The following PPP1R13B variants were observed in gnomAD, a reference collection of about 807,000 sequenced individuals.
The protein encoded by PPP1R13B is apoptosis-stimulating of p53 protein 1.
Under a neutral mutation model 119.8 loss-of-function variants are expected in PPP1R13B, and 44 were observed. That is an observed-to-expected ratio of 0.37 (90% CI 0.29 to 0.47). The LOEUF is 0.47. PPP1R13B is among the 20% of genes least tolerant of loss of function. PPP1R13B has a pLI of 0.99. For synonymous variants in PPP1R13B, 542 were observed against 561.5 expected, an observed-to-expected ratio of 0.97 and a Z score of 0.49; for missense variants, 1,227 against 1,413.5, an observed-to-expected ratio of 0.87 and a Z score of 2.12.
intron 4 of PPP1R13B, among the ~76,000 whole-genome samples, chr14:103,759,836 C>T (rs910800025): frequency 6.6e-6 from 1 of 152,138 alleles, no homozygotes; most frequent in Admixed American, 6.5e-5. Context: ...AAATATTTTA[C>T]TTACCTAAAC....
At chr14:103,807,661 A>AT (rs2086049977) in intron 1 of PPP1R13B, among the ~76,000 whole-genome samples, 1 of 151,898 alleles carries the variant, frequency 6.6e-6, no homozygotes, top group Non-Finnish European at 1.5e-5. Context: ...CGCCCGGCTA[A>AT]TTTTTTGTAT....
intron 1 of PPP1R13B, 73 bp from the exon 2 acceptor site, chr14:103,797,591 AT>A (rs1171469794): frequency 8.6e-7 from 1 of 1,157,934 alleles, no homozygotes; most frequent in Non-Finnish European, 1.2e-6. Context: ...ATTTAAAGTG[AT>A]CCCTCTACCC....
intron 15 of PPP1R13B, 125 bp from the exon 16 acceptor site, chr14:103,736,327 G>T: frequency 1.0e-6 from 1 of 997,972 alleles, no homozygotes; most frequent in Non-Finnish European, 1.5e-6. Flanking sequence ...ACAGAGGCCA[G>T]CGAGGGAGAT....
chr14:103,803,637 C>T (rs763338549), intron 1 of PPP1R13B, among the ~76,000 whole-genome samples: 15 of 151,716 alleles, frequency 9.9e-5, no homozygotes, highest in African/African-American at 2.7e-4. Context: ...AGCGAGACTC[C>T]GTCTCAAAAA....
chr14:103,831,674 G>A (rs775164554), intron 1 of PPP1R13B, among the ~76,000 whole-genome samples: 3 of 149,886 alleles, frequency 2.0e-5, no homozygotes, highest in Non-Finnish European at 4.4e-5. Flanking sequence ...AGTGGCTCAC[G>A]CCTATAATCC....
chr14:103,784,399 A>G (rs944803274), intron 3 of PPP1R13B, among the ~76,000 whole-genome samples: 2 of 151,830 alleles, frequency 1.3e-5, no homozygotes, highest in African/African-American at 4.8e-5. Flanking sequence ...CCTGGCCAAC[A>G]TGGTGAAACC....
rs2084288034 is a variant in PPP1R13B at position 103,742,645 on chromosome 14, C to A, written c.1320+9G>T. 6.2e-7 allele frequency: 1 copy of A among 1,612,788 alleles called. No individual in the cohort carries two copies. Among genetic ancestry groups the A allele is most frequent in the African/African-American group, 1.3e-5 (1 of 75,020 alleles). On this transcript the variant is annotated intron_variant, in intron 10 of 16. Transcript: ENST00000202556. The surrounding 1 kb of genome is among the most constrained non-coding windows in gnomAD (Gnocchi z 4.9). ...CCGCTTGTGTTCTGTGGTAAAGACACAGGCCTACCGGCTTCTCCGTGGGTC... is the reference window on the plus strand; with the variant it reads ...CCGCTTGTGTTCTGTGGTAAAGACAAAGGCCTACCGGCTTCTCCGTGGGTC...
intron 4 of PPP1R13B, among the ~76,000 whole-genome samples, chr14:103,775,490 G>A (rs1567113660): frequency 6.6e-6 from 1 of 152,104 alleles, no homozygotes; most frequent in East Asian, 1.9e-4. Context: ...GGCCAGATTG[G>A]TCTAGAACTC....
rs999206369 is a variant in PPP1R13B at position 103,739,323 on chromosome 14, G to A, written c.2593-300C>T. On this transcript the variant is annotated intron_variant, in intron 12 of 16. Transcript: ENST00000202556. ...AAGACTCTGTGGGAGGGAGGGTGGC[G>A]TGTGACTGCCAAGTAGCTGATGGGA... 51 of 381,684 alleles carry A rather than the reference G, an allele frequency of 1.3e-4. No individual in the cohort carries two copies. The East Asian group carries it at 1.6e-3, about 12-fold the overall frequency. The allele number at this position is 381,684 out of a possible 1,614,324, so 23.6% of individuals were successfully genotyped here.
intron 1 of PPP1R13B, among the ~76,000 whole-genome samples, chr14:103,799,345 A>AT (rs1446563746): frequency 1.3e-5 from 2 of 151,768 alleles, no homozygotes; most frequent in African/African-American, 4.8e-5. Flanking sequence ...CGCCCGGCTA[A>AT]TTTTTTGTAT....
At chr14:103,790,820 C>T (rs115645835) in intron 2 of PPP1R13B, among the ~76,000 whole-genome samples, 1,905 of 152,328 alleles carry the variant, frequency 0.013, 38 homozygotes, top group African/African-American at 0.043. Flanking sequence ...GCCTGGTAAA[C>T]ATGGCGAAAC....
At chr14:103,771,304 G>A (rs1390747436) in intron 4 of PPP1R13B, among the ~76,000 whole-genome samples, 2 of 152,032 alleles carry the variant, frequency 1.3e-5, no homozygotes, top group Admixed American at 6.6e-5. Context: ...CAAGGAAAAC[G>A]AGCAGCTCAT....
chr14:103,804,575 T>C (rs1595797539), intron 1 of PPP1R13B, among the ~76,000 whole-genome samples: 2 of 151,922 alleles, frequency 1.3e-5, no homozygotes, highest in East Asian at 3.9e-4. Flanking sequence ...ACTAAATAAA[T>C]GAATAAACAA....
rs568655145 is a variant in PPP1R13B at position 103,824,200 on chromosome 14, C to T, written c.9+23099G>A. The stretch of plus-strand genomic sequence containing the variant: ...AGCTGGGACTACAGGTGCGTGCAAC[C>T]ACGCCCAGCTAATTTCTGTATTTTT... On this transcript the variant is annotated intron_variant, in intron 1 of 16. Transcript: ENST00000202556. 6.0e-5 allele frequency among the ~76,000 whole-genome samples: 9 copies of T among 150,960 alleles called. No individual in the cohort carries two copies. The East Asian group carries it at 1.8e-3, about 30-fold the overall frequency.
In PPP1R13B at chr14:103,847,368, T is replaced by C. The variant is rs2087075612; in HGVS notation, c.-61A>G. ...TGACAGGACGCTCCGCGCCGAGCTG[T>C]GCCCACCGCTCCGGCCGCCTCCTAA... On this transcript the variant is annotated 5_prime_UTR_variant, in exon 1 of 17. Transcript: ENST00000202556. The C allele has an allele frequency of 1.8e-6, 2 of 1,138,112 alleles. No individual in the cohort carries two copies. The highest frequency in any genetic ancestry group is 2.2e-6 in the Non-Finnish European group (2 of 921,674). The allele number at this position is 1,138,112 out of a possible 1,614,324, so 70.5% of individuals were successfully genotyped here.
chr14:103,739,041 C>T lies in PPP1R13B; in HGVS notation c.2593-18G>A, dbSNP rs182561031. The T allele has an allele frequency of 8.2e-5, 131 of 1,606,628 alleles. No individual in the cohort carries two copies. In the African/African-American group the frequency reaches 1.3e-3, roughly 15 times the overall value. ...CGCTTGTTCTGTTGGGAAGGAAGCA[C>T]GCTTTCCAGTTAAAGGTGGTCCACT... On this transcript the variant is annotated intron_variant, in intron 12 of 16. Coordinates refer to ENST00000202556, the MANE Select transcript of PPP1R13B (RefSeq NM_015316.3).
intron 1 of PPP1R13B, among the ~76,000 whole-genome samples, chr14:103,843,604 A>G (rs1595852928): frequency 6.6e-6 from 1 of 152,324 alleles, no homozygotes; most frequent in Non-Finnish European, 1.5e-5. Context: ...ACCAATAACA[A>G]CAACAAAAAA....
rs752169254 is a variant in PPP1R13B at position 103,737,799 on chromosome 14, T to A, written c.2926A>T (p.Ser976Cys). Residue 976 changes from serine to cysteine, a missense_variant, in exon 15 of 17, where the codon AGT becomes TGT. Coordinates refer to ENST00000202556, the MANE Select transcript of PPP1R13B (RefSeq NM_015316.3). The part of the protein sequence containing the change: ...SVHLCKQLVE[S>C]GAAIFASTIS... ...GTTGAGGCAAAAATGGCGGCACCAC[T>A]CTCCACCAGCTGTTTGCAGAGGTGA... The A allele has an allele frequency of 1.9e-6, 3 of 1,614,078 alleles. No individual in the cohort carries two copies. Among genetic ancestry groups the A allele is most frequent in the Non-Finnish European group, 2.5e-6 (3 of 1,180,042 alleles).
At chr14:103,825,153 C>A (rs1042612654) in intron 1 of PPP1R13B, among the ~76,000 whole-genome samples, 3 of 152,154 alleles carry the variant, frequency 2.0e-5, no homozygotes, top group African/African-American at 7.2e-5. Flanking sequence ...ACAAATAGCA[C>A]CCACGTAGAA....
Sources: allele counts gnomAD v4.1 joint callset (sites outside exome capture counted in the v4.1 genomes callset), GRCh38; gene constraint gnomAD v4.1.1; non-coding constraint Gnocchi (gnomAD v3.1); transcripts MANE v1.5; gene names NCBI Gene and HGNC (gene_info 2026-07-23, HGNC 2026-07-21).